Variants in FBXO21 observed in about 807,000 individuals in gnomAD.
The protein encoded by FBXO21 is F-box protein 21.
A neutral mutation model predicts 76.6 loss-of-function variants in FBXO21; 32 were observed. The ratio of observed to expected loss-of-function variants is 0.42; its 90% CI spans 0.32 to 0.56. FBXO21 has a LOEUF of 0.56. Among genes scored for constraint, FBXO21 ranks in the 20% least tolerant of loss-of-function variants. The pLI is 0.16. For synonymous variants in FBXO21, 328 were observed against 311.5 expected (o/e 1.05, Z -0.56); for missense variants, 586 against 797.3 (o/e 0.73, Z 3.19).
Position 117,149,054 on chromosome 12 carries a change from G to C in FBXO21, c.1676-2777C>G, listed in dbSNP as rs112565079. 4.6e-3 allele frequency among the ~76,000 whole-genome samples: 693 copies of C among 152,292 alleles called. 8 individuals are homozygous for C. The highest frequency in any genetic ancestry group is 0.016 in the African/African-American group (662 of 41,546). On this transcript the variant is annotated intron_variant, in intron 11 of 11. Transcript: ENST00000622495. ...GCTGCCACCTCCCTCTTCACATCCA[G>C]TAACAGGAGGAACCAACTAGCAAAG...
intron 10 of FBXO21, among the ~76,000 whole-genome samples, chr12:117,156,597 G>A (rs114534977): frequency 0.013 from 1,957 of 152,268 alleles, 36 homozygotes; most frequent in African/African-American, 0.044. Flanking sequence ...TGGCACTTGC[G>A]TCAATTAACC....
intron 3 of FBXO21, among the ~76,000 whole-genome samples, chr12:117,181,607 A>G (rs202230269): frequency 6.9e-5 from 10 of 145,630 alleles, no homozygotes; most frequent in South Asian, 4.4e-4. Context: ...CAGTCTATCT[A>G]TCTATCTATC....
intron 3 of FBXO21, among the ~76,000 whole-genome samples, chr12:117,183,382 C>A (rs1956254373): frequency 6.6e-6 from 1 of 152,082 alleles, no homozygotes; most frequent in African/African-American, 2.4e-5. Flanking sequence ...GCCTCAGCCT[C>A]CCCAGTAGCT....
At chr12:117,157,623 G>A (rs1955931148) in intron 10 of FBXO21, among the ~76,000 whole-genome samples, 1 of 146,198 alleles carries the variant, frequency 6.8e-6, no homozygotes, top group Non-Finnish European at 1.5e-5. Context: ...AACATCTAAA[G>A]GCCACTAAAA....
At position 117,166,952 on chromosome 12, in the gene FBXO21, T is replaced by C. The variant is rs772352144; in HGVS notation, c.1139A>G (p.Asn380Ser). 59 of 1,614,088 alleles carry C rather than the reference T, an allele frequency of 3.7e-5. No individual in the cohort carries two copies. Among genetic ancestry groups the C allele is most frequent in the East Asian group, 4.5e-5 (2 of 44,900 alleles). ...HVTAALYGVV[N>S]VKKVLQRMVG... ...CATTCTCTGTAACACCTTCTTGACA[T>C]TGACCACCCCATACAGTGCTGCAGT... Residue 380 changes from asparagine (N) to serine (S), a missense_variant, in exon 8 of 12, where the codon AAT becomes AGT. Around this residue, in one of 6 missense-constraint regions of FBXO21, gnomAD observed 246 missense variants for 356.8 expected, o/e 0.69. Transcript: ENST00000622495.
chr12:117,157,096 T>C (rs144812339), intron 10 of FBXO21, among the ~76,000 whole-genome samples: 19 of 149,608 alleles, frequency 1.3e-4, no homozygotes, highest in African/African-American at 4.4e-4. Flanking sequence ...GGCATGAGAG[T>C]CGCTTGAACT....
At position 117,174,638 on chromosome 12, in the gene FBXO21, A is replaced by G. The variant is rs1270755196; in HGVS notation, c.739+13T>C. 3 of 1,613,120 alleles carry G rather than the reference A, an allele frequency of 1.9e-6. No individual in the cohort carries two copies. The highest frequency in any genetic ancestry group is 2.7e-5 in the African/African-American group (2 of 74,896). ...CTTTCATAAATACAGCTGGATCCAA[A>G]GCAATGCCACACCTGCCTTGAAGGC... On this transcript the variant is annotated intron_variant, in intron 5 of 11. Coordinates refer to ENST00000622495, the MANE Select transcript of FBXO21 (RefSeq NM_015002.3).
rs756005158 is a variant in FBXO21 at position 117,144,234 on chromosome 12, T to A, written c.*1853A>T. ...GCATGCTCAGGTTCTTATTAATGCATCTCATTCATATTAATTAATTCCGTA... is the reference window on the plus strand; with the variant it reads ...GCATGCTCAGGTTCTTATTAATGCAACTCATTCATATTAATTAATTCCGTA... On this transcript the variant is annotated 3_prime_UTR_variant, in exon 12 of 12. Transcript: ENST00000622495. 6.6e-6 allele frequency: 1 copy of A among 152,212 alleles called. No individual in the cohort carries two copies. Among genetic ancestry groups the A allele is most frequent in the East Asian group, 1.9e-4 (1 of 5,200 alleles). The allele number at this position is 152,212 out of a possible 1,614,324, so 9.4% of individuals were successfully genotyped here.
chr12:117,189,218 G>A lies in FBXO21; in HGVS notation c.375+9C>T. The A allele has an allele frequency of 6.2e-7, 1 of 1,614,156 alleles. No homozygotes were observed. Among genetic ancestry groups the A allele is most frequent in the Non-Finnish European group, 8.5e-7 (1 of 1,180,022 alleles). On this transcript the variant is annotated intron_variant, in intron 2 of 11. Coordinates refer to ENST00000622495, the MANE Select transcript of FBXO21 (RefSeq NM_015002.3). ...GCCAAAGCTTAGAGCCACATCAACA[G>A]ATCCTTACGTGCTCTGAAAAGAACC...
Position 117,149,224 on chromosome 12 carries a change from T to G in FBXO21, c.1676-2947A>C, listed in dbSNP as rs76027475. On this transcript the variant is annotated intron_variant, in intron 11 of 11. Coordinates refer to ENST00000622495, the MANE Select transcript of FBXO21 (RefSeq NM_015002.3). ...TACGTTGCCCAGGTTGTTTTCAAAC[T>G]CCTGGGCTCAAATGATCCTCCTGTC... 5.3e-3 allele frequency among the ~76,000 whole-genome samples: 804 copies of G among 152,294 alleles called. 5 individuals are homozygous for G. The highest frequency in any genetic ancestry group is 0.018 in the African/African-American group (745 of 41,548).
Position 117,156,027 on chromosome 12 carries a change from T to G in FBXO21, c.1518-79A>C. The G allele has an allele frequency of 5.1e-6, 7 of 1,374,778 alleles. No homozygotes were observed. In the South Asian group the frequency reaches 8.4e-5, roughly 16 times the overall value. The allele number at this position is 1,374,778 out of a possible 1,614,324, so 85.2% of individuals were successfully genotyped here. On this transcript the variant is annotated intron_variant, in intron 10 of 11. Transcript: ENST00000622495. ...CCAGACAACCGCGTGGCTTCTCAGC[T>G]CACATCCTCAGTTACCTGCTTTACT...
Position 117,174,213 on chromosome 12 carries a change from T to A in FBXO21, c.868A>T (p.Met290Leu). 1 of 1,610,034 alleles carries A rather than the reference T, an allele frequency of 6.2e-7. No individual in the cohort carries two copies. ...MDYYNALNLYMHQVLIRRTGI... is the reference protein window; with the variant it reads ...MDYYNALNLYLHQVLIRRTGI... ...ACTGTACCTATATTTACCTGATGCA[T>A]ATATAAGTTGAGGGCATTATAGTAA... Residue 290 changes from methionine (M) to leucine (L), a missense_variant, in exon 6 of 12, where the codon ATG becomes TTG. Met to Leu is a conservative substitution (Grantham distance 15). This residue lies in a region of FBXO21 where 246 missense variants were observed against 356.8 expected (regional missense o/e 0.69). Coordinates refer to ENST00000622495, the MANE Select transcript of FBXO21 (RefSeq NM_015002.3).
intron 3 of FBXO21, among the ~76,000 whole-genome samples, chr12:117,181,435 T>G (rs1200713170): frequency 1.3e-5 from 2 of 152,240 alleles, no homozygotes; most frequent in African/African-American, 4.8e-5. Flanking sequence ...TCAAAGGACT[T>G]TCCTGTCTTT....
chr12:117,172,680 T>C, intron 6 of FBXO21, 73 bp from the exon 7 acceptor site: 1 of 1,498,184 alleles, frequency 6.7e-7, no homozygotes, highest in East Asian at 2.3e-5. Flanking sequence ...AACATTCTCA[T>C]TAGGCACCTA....
At chr12:117,159,014 G>A (rs773228128) in intron 9 of FBXO21, among the ~76,000 whole-genome samples, 4 of 152,164 alleles carry the variant, frequency 2.6e-5, no homozygotes, top group Non-Finnish European at 5.9e-5. Flanking sequence ...GGCCCAGATC[G>A]GTCAGACTAG....
rs1565990877 is a variant in FBXO21, at chr12:117,142,424, T to G, written c.*3663A>C. ...GCCTGTTTTTGAGCTAAGAATGTTGTTGACACTTTTAAAAACAGAGAACAT... is the reference window on the plus strand; with the variant it reads ...GCCTGTTTTTGAGCTAAGAATGTTGGTGACACTTTTAAAAACAGAGAACAT... On this transcript the variant is annotated 3_prime_UTR_variant, in exon 12 of 12. Transcript: ENST00000622495. The G allele has an allele frequency of 6.6e-6, 1 of 152,368 alleles. No individual in the cohort carries two copies. Among genetic ancestry groups the G allele is most frequent in the African/African-American group, 2.4e-5 (1 of 41,462 alleles). The allele number at this position is 152,368 out of a possible 1,614,324, so 9.4% of individuals were successfully genotyped here. A position where few individuals can be genotyped will look rare whatever the true frequency, so the allele number is the denominator to read the frequency against.
At position 117,143,081 on chromosome 12, in the gene FBXO21, T is replaced by C. The variant is rs1955732485; in HGVS notation, c.*3006A>G. On this transcript the variant is annotated 3_prime_UTR_variant, in exon 12 of 12. Transcript: ENST00000622495. ...TTTCAAAATCTGATTAGGTGGATAA[T>C]GTTTGCAAACATGACGCCTGGCAAA... 8 of 152,216 alleles carry C rather than the reference T, an allele frequency of 5.3e-5. No individual in the cohort carries two copies. Among genetic ancestry groups the C allele is most frequent in the Admixed American group, 5.2e-4 (8 of 15,274 alleles). The allele number at this position is 152,216 out of a possible 1,614,324, so 9.4% of individuals were successfully genotyped here. A position where few individuals can be genotyped will look rare whatever the true frequency, so the allele number is the denominator to read the frequency against.
intron 7 of FBXO21, among the ~76,000 whole-genome samples, chr12:117,167,980 G>A (rs975087723): frequency 2.3e-4 from 35 of 152,242 alleles, no homozygotes; most frequent in African/African-American, 8.4e-4. Context: ...GCTGGCCCTC[G>A]CTGAGCACAA....
rs1382105181 is a variant in FBXO21 at position 117,166,806 on chromosome 12, C to G, written c.1193+92G>C. 3 of 1,099,094 alleles carry G rather than the reference C, an allele frequency of 2.7e-6. No individual in the cohort carries two copies. In the East Asian group the frequency reaches 7.1e-5, roughly 26 times the overall value. 68.1% of individuals were successfully genotyped at this position (1,099,094 alleles called of 1,614,324 possible). On this transcript the variant is annotated intron_variant, in intron 8 of 11. Transcript: ENST00000622495. ...TTCTTAGGGTCTACTGCAAAGATCT[C>G]AACGAAAAGTCACTTGGCACATCTC...
Sources: allele counts gnomAD v4.1 joint callset (sites outside exome capture counted in the v4.1 genomes callset), GRCh38; gene constraint gnomAD v4.1.1; regional missense constraint gnomAD v4.1.1; transcripts MANE v1.5; gene names NCBI Gene and HGNC (gene_info 2026-07-23, HGNC 2026-07-21).